MYO3B: variants seen among roughly 807,000 people sequenced by gnomAD.
The protein encoded by MYO3B is myosin-IIIb.
MYO3B carries 156 observed loss-of-function variants against 174.6 expected under a neutral mutation model. The observed-to-expected ratio is 0.89, with a 90% CI of 0.78 to 1.02. The LOEUF (loss-of-function observed/expected upper bound fraction) is 1.02, where lower values mean the gene tolerates loss of function less well. Among genes scored for constraint, MYO3B ranks in the 50% least tolerant of loss-of-function variants. The probability of loss-of-function intolerance (pLI) is 0.00; values close to 1 mark genes in which losing one functional copy is unlikely to be tolerated. For synonymous variants in MYO3B, 563 were observed against 569.1 expected, an observed-to-expected ratio of 0.99 and a Z score of 0.15; for missense variants, 1,632 against 1,639.4, an observed-to-expected ratio of 1.00 and a Z score of 0.08.
At position 170,383,781 on chromosome 2, in the gene MYO3B, T is replaced by A; in HGVS notation, c.1257T>A (p.Ala419=). 1 of 1,613,814 alleles carries A rather than the reference T, an allele frequency of 6.2e-7. No homozygotes were observed. The highest frequency in any genetic ancestry group is 8.5e-7 in the Non-Finnish European group (1 of 1,179,714). Residue 419 remains alanine (A), a synonymous_variant, in exon 12 of 35, where the codon GCT becomes GCA. Coordinates refer to ENST00000408978, the MANE Select transcript of MYO3B (RefSeq NM_138995.5). ...PPHIFASADA[A]YQCMVTLSKD... is the part of the protein sequence containing the mutation. ...ACATATTTGCATCAGCAGATGCTGC[T>A]TACCAGTGCATGGTTACTCTCAGCA...
intron 32 of MYO3B, among the ~76,000 whole-genome samples, chr2:170,558,892 A>T (rs1691526267): frequency 6.6e-6 from 1 of 152,322 alleles, no homozygotes; most frequent in South Asian, 2.1e-4. Flanking sequence ...TCTCCAAAAT[A>T]GGAATAGTAA....
chr2:170,407,656 G>A (rs2094518948), intron 21 of MYO3B, 59 bp from the exon 22 acceptor site: 1 of 1,602,370 alleles, frequency 6.2e-7, no homozygotes, highest in Non-Finnish European at 8.5e-7. Context: ...CAAGTTGCCA[G>A]TGTCACCAAT....
chr2:170,527,565 A>G (rs1211574726), intron 30 of MYO3B, among the ~76,000 whole-genome samples: 1 of 152,208 alleles, frequency 6.6e-6, no homozygotes, highest in Non-Finnish European at 1.5e-5. Context: ...TGCCTAATTC[A>G]TGGCTTGGCC....
intron 7 of MYO3B, among the ~76,000 whole-genome samples, chr2:170,304,994 A>C (rs1430869413): frequency 1.3e-5 from 2 of 151,692 alleles, no homozygotes; most frequent in Non-Finnish European, 2.9e-5. Context: ...CATGCTTATG[A>C]ATCTCTTTTC....
chr2:170,459,975 G>A (rs1684161695), intron 23 of MYO3B, among the ~76,000 whole-genome samples: 1 of 152,070 alleles, frequency 6.6e-6, no homozygotes, highest in Admixed American at 6.5e-5. Context: ...CTCAAGGGAC[G>A]CGCAGCCCTG....
chr2:170,632,048 A>T lies in MYO3B; in HGVS notation c.3734-19580A>T, dbSNP rs548146868. ...CACACAATAATAGTGGGAGACTTTA[A>T]CACCCCACTGTCAATATTAGATCAA... On this transcript the variant is annotated intron_variant, in intron 32 of 34. Coordinates refer to ENST00000408978, the MANE Select transcript of MYO3B (RefSeq NM_138995.5). Among the ~76,000 whole-genome samples the T allele has an allele frequency of 4.5e-4, 66 of 146,484 alleles. 1 individual carries two copies. The South Asian group carries it at 7.8e-3, about 17-fold the overall frequency.
At chr2:170,615,990 A>G (rs534394510) in intron 32 of MYO3B, among the ~76,000 whole-genome samples, 108 of 152,346 alleles carry the variant, frequency 7.1e-4, no homozygotes, top group Non-Finnish European at 1.3e-3. Context: ...GTATAGAGAG[A>G]TAAGAATTTA....
intron 7 of MYO3B, among the ~76,000 whole-genome samples, chr2:170,321,373 G>C (rs1465012873): frequency 6.6e-6 from 1 of 151,850 alleles, no homozygotes; most frequent in East Asian, 1.9e-4. Flanking sequence ...AGCTTTTTCG[G>C]GACAAAAATA....
chr2:170,359,634 G>C (rs954775473), intron 8 of MYO3B, among the ~76,000 whole-genome samples: 3 of 152,068 alleles, frequency 2.0e-5, no homozygotes, highest in African/African-American at 7.2e-5. Context: ...TTATACCAAT[G>C]AACTTCCTCA....
At chr2:170,454,127 G>C (rs1683773321) in intron 23 of MYO3B, among the ~76,000 whole-genome samples, 2 of 152,184 alleles carry the variant, frequency 1.3e-5, no homozygotes, top group African/African-American at 4.8e-5. Context: ...AAGATCCCTT[G>C]CCAAGAATTC....
chr2:170,233,518 G>A (rs542757881), intron 6 of MYO3B, among the ~76,000 whole-genome samples: 2 of 152,234 alleles, frequency 1.3e-5, no homozygotes, highest in African/African-American at 2.4e-5. Flanking sequence ...CCTGATTGGG[G>A]TGAGGAAAGG....
chr2:170,307,603 T>C (rs1352221234), intron 7 of MYO3B, among the ~76,000 whole-genome samples: 1 of 152,128 alleles, frequency 6.6e-6, no homozygotes, highest in Admixed American at 6.5e-5. Context: ...GGCCCCAAAA[T>C]TGAGGCTCTG....
intron 30 of MYO3B, among the ~76,000 whole-genome samples, chr2:170,532,923 G>A (rs1288123014): frequency 4.0e-5 from 6 of 151,750 alleles, no homozygotes; most frequent in African/African-American, 1.5e-4. Flanking sequence ...GAGACAGAGA[G>A]AGGACAAAGC....
chr2:170,511,188 T>C (rs1687958719), intron 28 of MYO3B, among the ~76,000 whole-genome samples: 1 of 151,910 alleles, frequency 6.6e-6, no homozygotes, highest in African/African-American at 2.4e-5. Flanking sequence ...GACTCCCAAG[T>C]AGCTGGGACT....
intron 32 of MYO3B, among the ~76,000 whole-genome samples, chr2:170,560,235 G>A (rs1007516470): frequency 5.3e-5 from 8 of 152,160 alleles, no homozygotes; most frequent in African/African-American, 1.9e-4. Flanking sequence ...CAAGTCTCAA[G>A]AGTATATCAC....
intron 32 of MYO3B, among the ~76,000 whole-genome samples, chr2:170,625,546 T>G (rs550903267): frequency 5.9e-5 from 9 of 152,242 alleles, no homozygotes; most frequent in Non-Finnish European, 1.0e-4. Context: ...TTTGTGTCTC[T>G]ATCTCCCTCA....
chr2:170,278,769 C>T (rs928667858), intron 7 of MYO3B, among the ~76,000 whole-genome samples: 4 of 152,040 alleles, frequency 2.6e-5, no homozygotes, highest in Non-Finnish European at 4.4e-5. Flanking sequence ...CCCTAACCCC[C>T]GCCACATATA....
At chr2:170,197,576 G>A (rs906578593) in intron 1 of MYO3B, among the ~76,000 whole-genome samples, 1 of 152,058 alleles carries the variant, frequency 6.6e-6, no homozygotes, top group Non-Finnish European at 1.5e-5. Context: ...TTTGTTTGCT[G>A]GATTTCAAGT....
chr2:170,349,140 T>C (rs1295674410), intron 8 of MYO3B, among the ~76,000 whole-genome samples: 1 of 152,200 alleles, frequency 6.6e-6, no homozygotes, highest in Non-Finnish European at 1.5e-5. Context: ...CCCCTTTCTA[T>C]GTAATACCAT....
Sources: gnomAD v4.1 joint callset for allele counts (sites outside exome capture counted in the v4.1 genomes callset) on GRCh38, gnomAD v4.1.1 for gene constraint, MANE v1.5 for transcripts, NCBI Gene and HGNC (gene_info 2026-07-23, HGNC 2026-07-21) for gene names.